Variants in ARHGEF3 observed in about 807,000 individuals in gnomAD.
ARHGEF3 encodes Rho guanine nucleotide exchange factor 3, also known as 59.8 kDA protein.
Under a neutral mutation model 63.2 loss-of-function variants are expected in ARHGEF3, and 28 were observed. The observed-to-expected ratio is 0.44, with a 90% CI of 0.33 to 0.61. ARHGEF3 has a LOEUF of 0.61. Among genes scored for constraint, ARHGEF3 ranks in the 20% least tolerant of loss-of-function variants. ARHGEF3 has a pLI of 0.03. For missense variants in ARHGEF3, 533 were observed against 659.3 expected (o/e 0.81, Z 2.10); for synonymous variants, 266 against 254.2 (o/e 1.05, Z -0.44).
chr3:57,026,520 C>G (rs1010484729), intron 2 of ARHGEF3, among the ~76,000 whole-genome samples: 2 of 152,200 alleles, frequency 1.3e-5, no homozygotes, highest in East Asian at 3.8e-4. Flanking sequence ...CACACTCTCA[C>G]CTGGCAGGAA....
chr3:56,856,909 T>G lies in ARHGEF3; in HGVS notation c.192+25383A>C, dbSNP rs114823668. ...ATGTTATTTCTTTGAAAATTTACAT[T>G]AGAGCTTTTCCAAATCCCTGGCACA... On this transcript the variant is annotated intron_variant, in intron 4 of 12. Transcript: ENST00000338458. Among the ~76,000 whole-genome samples the G allele has an allele frequency of 5.2e-3, 788 of 152,220 alleles. 8 individuals are homozygous for G. The highest frequency in any genetic ancestry group is 0.018 in the African/African-American group (751 of 41,534).
chr3:56,734,862 C>T (rs750090302), intron 8 of ARHGEF3, among the ~76,000 whole-genome samples: 3 of 152,062 alleles, frequency 2.0e-5, no homozygotes, highest in Non-Finnish European at 4.4e-5. Flanking sequence ...GTGGAAATAA[C>T]GTGTTAAGAA....
chr3:57,042,696 A>ATTTTTTTTTT (rs1560156436), intron 1 of ARHGEF3, among the ~76,000 whole-genome samples: 9 of 33,530 alleles, frequency 2.7e-4, no homozygotes, highest in South Asian at 1.4e-3. Flanking sequence ...ATATATATAT[A>ATTTTTTTTTT]TATATTTTTT....
intron 1 of ARHGEF3, chr3:57,079,042 G>C (rs1009285941): frequency 5.9e-5 from 20 of 339,986 alleles, no homozygotes; most frequent in Non-Finnish European, 3.7e-5. Flanking sequence ...CGGGGACGCC[G>C]AGACCTAGCA....
rs146205481 is a variant in ARHGEF3, at chr3:56,862,530, C to A, written c.192+19762G>T. 5.4e-3 allele frequency among the ~76,000 whole-genome samples: 816 copies of A among 152,242 alleles called. 5 individuals are homozygous for A. Among genetic ancestry groups the A allele is most frequent in the Non-Finnish European group, 8.2e-3 (560 of 68,022 alleles). On this transcript the variant is annotated intron_variant, in intron 4 of 12. Coordinates refer to the ARHGEF3 transcript ENST00000338458. The stretch of plus-strand genomic sequence containing the variant: ...TTGTTGCTCCTCTATGAGGCCAAGG[C>A]TGAATCTGGGCCCCCCTCCGCCTGG...
intron 7 of ARHGEF3, 140 bp downstream of exon 7, chr3:56,745,065 T>C: frequency 9.2e-7 from 1 of 1,088,300 alleles, no homozygotes; most frequent in Non-Finnish European, 1.3e-6. Context: ...CAAAACATGG[T>C]TGATGGCAGT....
chr3:56,949,285 T>C (rs907568648), intron 3 of ARHGEF3, among the ~76,000 whole-genome samples: 2 of 151,900 alleles, frequency 1.3e-5, no homozygotes, highest in Non-Finnish European at 2.9e-5. Flanking sequence ...GCCAGGGCAA[T>C]CAGGCAGGAG....
At chr3:57,063,340 G>A (rs1384383152) in intron 1 of ARHGEF3, among the ~76,000 whole-genome samples, 1 of 152,164 alleles carries the variant, frequency 6.6e-6, no homozygotes, top group African/African-American at 2.4e-5. Context: ...AGCTATTTGA[G>A]GGCTTTGAGC....
At chr3:56,957,543 G>C (rs1354132542) in intron 3 of ARHGEF3, among the ~76,000 whole-genome samples, 1 of 152,180 alleles carries the variant, frequency 6.6e-6, no homozygotes, top group African/African-American at 2.4e-5. Flanking sequence ...TAGTGAACAA[G>C]AGAGAAAGAC....
At chr3:56,765,932 AAGG>A (rs2107810008) in intron 2 of ARHGEF3, among the ~76,000 whole-genome samples, 1 of 152,270 alleles carries the variant, frequency 6.6e-6, no homozygotes, top group East Asian at 1.9e-4. Flanking sequence ...CTGGGGAAAA[AAGG>A]AGGAGAACAC....
chr3:57,021,769 T>G (rs561648662), intron 2 of ARHGEF3, among the ~76,000 whole-genome samples: 44 of 150,824 alleles, frequency 2.9e-4, no homozygotes, highest in African/African-American at 1.0e-3. Context: ...AAAAAAAAAT[T>G]TATTCAGGAA....
At chr3:56,875,691 C>G (rs2040564491) in intron 4 of ARHGEF3, among the ~76,000 whole-genome samples, 1 of 152,180 alleles carries the variant, frequency 6.6e-6, no homozygotes, top group Non-Finnish European at 1.5e-5. Context: ...ATGCTACTGA[C>G]TTTTTAAACA....
intron 3 of ARHGEF3, among the ~76,000 whole-genome samples, chr3:56,891,064 C>G (rs973764571): frequency 2.6e-5 from 4 of 151,886 alleles, no homozygotes; most frequent in Non-Finnish European, 4.4e-5. Context: ...TGGAACTTGA[C>G]TTGCTAAATT....
intron 3 of ARHGEF3, among the ~76,000 whole-genome samples, chr3:56,952,407 G>C (rs1220472995): frequency 1.3e-5 from 2 of 152,180 alleles, no homozygotes; most frequent in East Asian, 3.8e-4. Flanking sequence ...AGCCCTGACT[G>C]ACAGCTTGAT....
At chr3:56,803,272 C>T (rs574809884), upstream of ARHGEF3, among the ~76,000 whole-genome samples, 13 of 151,094 alleles carry the variant, frequency 8.6e-5, no homozygotes, top group Non-Finnish European at 1.9e-4. Flanking sequence ...CCTGTGTCTA[C>T]AAAAAAAATA....
chr3:57,052,058 T>C (rs1320284925), intron 1 of ARHGEF3, among the ~76,000 whole-genome samples: 1 of 152,172 alleles, frequency 6.6e-6, no homozygotes, highest in East Asian at 1.9e-4. Context: ...TTTATGGTAA[T>C]TATCACACTA....
chr3:57,020,365 G>T (rs1703204991), intron 2 of ARHGEF3, among the ~76,000 whole-genome samples: 1 of 152,168 alleles, frequency 6.6e-6, no homozygotes, highest in Admixed American at 6.5e-5. Flanking sequence ...CAGATGGCAT[G>T]AACATCTGGG....
chr3:56,994,833 T>C (rs1022733773), intron 2 of ARHGEF3, among the ~76,000 whole-genome samples: 3 of 152,160 alleles, frequency 2.0e-5, no homozygotes, highest in African/African-American at 7.2e-5. Context: ...GTGATCCCCA[T>C]GTGTCAGGGG....
At chr3:56,903,656 C>A (rs1270529098) in intron 3 of ARHGEF3, among the ~76,000 whole-genome samples, 1 of 152,162 alleles carries the variant, frequency 6.6e-6, no homozygotes, top group African/African-American at 2.4e-5. Context: ...TCCTGCCTGA[C>A]CCTTGTTTGG....
Sources: allele counts gnomAD v4.1 joint callset (sites outside exome capture counted in the v4.1 genomes callset), GRCh38; gene constraint gnomAD v4.1.1; transcripts MANE v1.5; gene names NCBI Gene and HGNC (gene_info 2026-07-23, HGNC 2026-07-21).